The following LRTM3 variants were observed in gnomAD, a reference collection of about 807,000 sequenced individuals.
The protein encoded by LRTM3 is leucine-rich repeat transmembrane protein 3.
chr13:102,731,442 G>T, the LRTM3 span: 1 of 1,551,334 alleles, frequency 6.4e-7, no homozygotes, highest in Non-Finnish European at 8.7e-7. Flanking sequence ...GACTCTAAAT[G>T]ACTAGTAAGC....
At chr13:102,741,909 A>G in the LRTM3 span, 1 of 1,550,398 alleles carries the variant, frequency 6.4e-7, no homozygotes, top group Non-Finnish European at 8.7e-7. Context: ...TAGTATTGGG[A>G]TATGTCTTCT....
At chr13:102,735,409 T>G in the LRTM3 span, 1 of 1,551,210 alleles carries the variant, frequency 6.4e-7, no homozygotes, top group Non-Finnish European at 8.7e-7. Context: ...CTTTTGCAAT[T>G]CTTATCACGT....
the LRTM3 span, chr13:102,740,154 ACT>A: frequency 6.5e-7 from 1 of 1,547,910 alleles, no homozygotes; most frequent in East Asian, 2.4e-5. Flanking sequence ...CCAAGTCTTA[ACT>A]TGGGTGAGCT....
At chr13:102,730,043 T>G in the LRTM3 span, 2 of 1,551,570 alleles carry the variant, frequency 1.3e-6, no homozygotes, top group Non-Finnish European at 1.7e-6. Context: ...TTCCGCAGTA[T>G]TTGATGAACT....
chr13:102,750,216 T>C, the LRTM3 span: 4 of 1,551,278 alleles, frequency 2.6e-6, no homozygotes, highest in South Asian at 3.6e-5. Flanking sequence ...GATGAGCTGA[T>C]TCCATTTGAA....
chr13:102,740,701 T>G, the LRTM3 span: 1 of 1,548,208 alleles, frequency 6.5e-7, no homozygotes, highest in Non-Finnish European at 8.7e-7. Context: ...ATAGATCTGT[T>G]TTGGAGTGAG....
the LRTM3 span, among the ~76,000 whole-genome samples, chr13:102,753,173 G>A: frequency 2.6e-5 from 4 of 152,176 alleles, no homozygotes; most frequent in African/African-American, 9.6e-5. Context: ...CCTTTGCAGG[G>A]ACATGGATGA....
At chr13:102,737,642 A>C in the LRTM3 span, 1 of 1,550,196 alleles carries the variant, frequency 6.5e-7, no homozygotes, top group Admixed American at 2.0e-5. Flanking sequence ...TTCTGGATGC[A>C]TTAAGTCTTT....
chr13:102,729,630 C>T, the LRTM3 span: 1 of 1,548,620 alleles, frequency 6.5e-7, no homozygotes, highest in South Asian at 1.2e-5. Context: ...TCCAGTGAGT[C>T]TGCCGGTACA....
the LRTM3 span, chr13:102,734,610 G>A: frequency 2.6e-6 from 4 of 1,550,914 alleles, no homozygotes; most frequent in Non-Finnish European, 3.5e-6. Context: ...TGAGGGATAT[G>A]TTGCTTTTCA....
At chr13:102,746,540 C>A in the LRTM3 span, 1 of 1,551,006 alleles carries the variant, frequency 6.4e-7, no homozygotes, top group Admixed American at 2.0e-5. Flanking sequence ...TGATTTCTTT[C>A]TGTGGCTTGT....
the LRTM3 span, chr13:102,734,994 C>T: frequency 6.4e-7 from 1 of 1,551,134 alleles, no homozygotes; most frequent in Non-Finnish European, 8.7e-7. Context: ...TGGAGTTTTA[C>T]TAGGGGAAAA....
chr13:102,750,236 T>G, the LRTM3 span: 2 of 1,551,438 alleles, frequency 1.3e-6, no homozygotes, highest in Non-Finnish European at 1.7e-6. Context: ...AGATGGCACA[T>G]GACTTTCACT....
chr13:102,758,352 AG>A, the LRTM3 span: 1 of 1,221,454 alleles, frequency 8.2e-7, no homozygotes, highest in South Asian at 1.5e-5. Context: ...AATTTTGAAT[AG>A]AACACAACCA....
At chr13:102,736,685 A>C in the LRTM3 span, 2 of 1,550,522 alleles carry the variant, frequency 1.3e-6, no homozygotes, top group Non-Finnish European at 1.7e-6. Context: ...ACTGATGTTC[A>C]CCTGCAGTTC....
the LRTM3 span, chr13:102,729,876 G>A: frequency 6.4e-7 from 1 of 1,551,844 alleles, no homozygotes; most frequent in East Asian, 2.4e-5. Flanking sequence ...TTTCTTTCTT[G>A]GCTTTCTGGG....
At chr13:102,755,179 A>G in the LRTM3 span, among the ~76,000 whole-genome samples, 1 of 151,828 alleles carries the variant, frequency 6.6e-6, no homozygotes, top group Non-Finnish European at 1.5e-5. Context: ...GCCTCACACC[A>G]CTACACCTGC....
the LRTM3 span, chr13:102,743,227 A>G: frequency 4.2e-5 from 65 of 1,550,732 alleles, no homozygotes; most frequent in African/African-American, 8.5e-4. Context: ...CAATGGGATC[A>G]GAATACCTTG....
the LRTM3 span, chr13:102,748,054 C>A: frequency 6.4e-7 from 1 of 1,551,016 alleles, no homozygotes; most frequent in Non-Finnish European, 8.7e-7. Context: ...CTGGTAATTT[C>A]TCTTGCTTTG....
Sources: allele counts gnomAD v4.1 joint callset (sites outside exome capture counted in the v4.1 genomes callset), GRCh38; gene constraint gnomAD v4.1.1; transcripts MANE v1.5; gene names NCBI Gene and HGNC (gene_info 2026-07-23, HGNC 2026-07-21).